Variants in CCDC27 observed in about 807,000 individuals in gnomAD.
CCDC27 encodes the protein coiled-coil domain containing 27, also known as coiled-coil domain-containing protein 27.
Under a neutral mutation model 80.3 loss-of-function variants are expected in CCDC27, and 80 were observed. The ratio of observed to expected loss-of-function variants is 1.00; its 90% CI spans 0.83 to 1.20. The LOEUF is 1.20. Ranked by LOEUF, CCDC27 falls within the 50% of genes most tolerant of loss-of-function variation. The pLI, the probability that CCDC27 is intolerant of heterozygous loss-of-function variation, is 0.00. For synonymous variants in CCDC27, 342 were observed against 334.3 expected, an observed-to-expected ratio of 1.02 and a Z score of -0.25; for missense variants, 815 against 809.4, an observed-to-expected ratio of 1.01 and a Z score of -0.08.
chr1:3,765,207 C>A (rs573553852), intron 8 of CCDC27, among the ~76,000 whole-genome samples: 1 of 152,116 alleles, frequency 6.6e-6, no homozygotes. Flanking sequence ...CCAGGTTGGC[C>A]GATGATAAGT....
chr1:3,770,350 A>G (rs915449809), intron 11 of CCDC27, among the ~76,000 whole-genome samples: 1 of 152,138 alleles, frequency 6.6e-6, no homozygotes, highest in Non-Finnish European at 1.5e-5. Context: ...AGGGGTCCCC[A>G]AGCAAGGGCC....
intron 9 of CCDC27, 36 bp from the exon 10 acceptor site, chr1:3,767,197 T>C (rs760484631): frequency 1.2e-6 from 2 of 1,602,124 alleles, no homozygotes; most frequent in Non-Finnish European, 8.5e-7. Flanking sequence ...TTGGGCGAAA[T>C]GACCCCACCT....
intron 3 of CCDC27, chr1:3,756,434 C>T (rs886462195): frequency 6.9e-5 from 19 of 277,082 alleles, no homozygotes; most frequent in Non-Finnish European, 1.3e-4. Flanking sequence ...ATGACCCCCT[C>T]GTCCCGACTC....
intron 8 of CCDC27, among the ~76,000 whole-genome samples, chr1:3,764,604 CATAA>C (rs1643182846): frequency 6.6e-6 from 1 of 152,288 alleles, no homozygotes; most frequent in Admixed American, 6.5e-5. Context: ...CACACACATA[CATAA>C]ATAAAATAAG....
Position 3,756,533 on chromosome 1 carries a change from C to T in CCDC27, c.554-200C>T, listed in dbSNP as rs576507219. 68 of 527,096 alleles carry T rather than the reference C, an allele frequency of 1.3e-4. 1 individual carries two copies. Among genetic ancestry groups the T allele is most frequent in the East Asian group, 8.1e-4 (23 of 28,512 alleles). The allele number at this position is 527,096 out of a possible 1,614,324, so 32.7% of individuals were successfully genotyped here. On this transcript the variant is annotated intron_variant, in intron 3 of 11. Transcript: ENST00000294600. ...CAGCACGCGCTGTGCTGGGTGTGGG[C>T]GCCCCATCGTGTTCACAGCAGCACC...
intron 2 of CCDC27, among the ~76,000 whole-genome samples, 158 bp downstream of exon 2, chr1:3,754,399 G>C (rs1469923830): frequency 6.6e-6 from 1 of 152,160 alleles, no homozygotes; most frequent in Non-Finnish European, 1.5e-5. Context: ...TGCTCAGGGA[G>C]CCAGGGCAGC....
chr1:3,763,262 G>A lies in CCDC27; in HGVS notation c.1109G>A (p.Ser370Asn). ...SQMGSVHEEG[S>N]EEEEEEEGDR... ...ATGGGATCCGTGCATGAGGAGGGAA[G>A]CGAGGAGGAGGAAGAGGAGGAAGGG... The change falls in exon 7 of 12, where the codon AGC becomes AAC. Residue 370 changes from serine (S) to asparagine (N), a missense_variant. Coordinates refer to ENST00000294600, the MANE Select transcript of CCDC27 (RefSeq NM_152492.3). This position sits in a 1 kb window ranked among gnomAD's most constrained non-coding sequence, Gnocchi z 7.5. 6.3e-7 allele frequency: 1 copy of A among 1,578,318 alleles called. No homozygotes were observed. Among genetic ancestry groups the A allele is most frequent in the East Asian group, 2.3e-5 (1 of 43,408 alleles).
chr1:3,763,586 T>G lies in CCDC27; in HGVS notation c.1321+112T>G, dbSNP rs370577539. On this transcript the variant is annotated intron_variant, in intron 7 of 11. Transcript: ENST00000294600. The surrounding 1 kb of genome is among the most constrained non-coding windows in gnomAD (Gnocchi z 7.5). ...GTCAGTGAGCTGGAGCAGGGGCAGG[T>G]GTCGGCAGCCTCACCCAGGCTGGCA... 49 of 1,556,072 alleles carry G rather than the reference T, an allele frequency of 3.1e-5. No homozygotes were observed. The highest frequency in any genetic ancestry group is 2.8e-4 in the South Asian group (23 of 82,296).
Position 3,769,830 on chromosome 1 carries a change from C to G in CCDC27, c.1791C>G (p.Ser597=), listed in dbSNP as rs771091105. 6.2e-7 allele frequency: 1 copy of G among 1,613,932 alleles called. No individual in the cohort carries two copies. The highest frequency in any genetic ancestry group is 1.1e-5 in the South Asian group (1 of 91,082). Residue 597 remains serine (S), a synonymous_variant, in exon 11 of 12, where the codon TCC becomes TCG. Transcript: ENST00000294600. This position sits in a 1 kb window ranked among gnomAD's most constrained non-coding sequence, Gnocchi z 4.6. ...TCATCCAGGCCACCTTTAGCATCTC[C>G]GGGACCAAGTCCTTGGCCAACGAGA... ...NKIIQATFSI[S]GTKSLANEIS...
intron 8 of CCDC27, among the ~76,000 whole-genome samples, chr1:3,764,948 T>C (rs1643192952): frequency 6.7e-6 from 1 of 149,846 alleles, no homozygotes; most frequent in South Asian, 2.1e-4. Flanking sequence ...GGCAGGAGAA[T>C]CGCTTGAACC....
chr1:3,759,792 C>A (rs530032520), intron 4 of CCDC27, among the ~76,000 whole-genome samples: 3 of 152,276 alleles, frequency 2.0e-5, no homozygotes, highest in Admixed American at 1.3e-4. Flanking sequence ...GTGTTCCTAC[C>A]CTTTAACCAA....
Position 3,766,664 on chromosome 1 carries a change from A to G in CCDC27, c.1530+52A>G. ...TCAGCCAGGCCACTGTTCTTACTGT[A>G]AGTCCCAACACAGCAAAGGGCAAGA... On this transcript the variant is annotated intron_variant, in intron 9 of 11. Transcript: ENST00000294600. This position sits in a 1 kb window ranked among gnomAD's most constrained non-coding sequence, Gnocchi z 6.1. The G allele has an allele frequency of 6.8e-7, 1 of 1,479,980 alleles. No homozygotes were observed. Among genetic ancestry groups the G allele is most frequent in the Non-Finnish European group, 9.4e-7 (1 of 1,062,406 alleles). 91.7% of individuals were successfully genotyped at this position (1,479,980 alleles called of 1,614,324 possible).
Position 3,769,878 on chromosome 1 carries a change from A to G in CCDC27, c.1839A>G (p.Glu613=). 1 of 1,613,350 alleles carries G rather than the reference A, an allele frequency of 6.2e-7. No homozygotes were observed. Among genetic ancestry groups the G allele is most frequent in the Non-Finnish European group, 8.5e-7 (1 of 1,179,404 alleles). The change falls in exon 11 of 12, where the codon GAA becomes GAG. Residue 613 remains glutamate, a synonymous_variant. Coordinates refer to ENST00000294600, the MANE Select transcript of CCDC27 (RefSeq NM_152492.3). This position sits in a 1 kb window ranked among gnomAD's most constrained non-coding sequence, Gnocchi z 4.6. ...AGATCTCTGACAATGACATCCTGGA[A>G]GCCCTGCAGGTATACCCCTAAGCTC... ...ANEISDNDIL[E]ALQRIISERS... is the part of the protein sequence containing the mutation.
In CCDC27 at chr1:3,755,449, C is replaced by G. The variant is rs372445469; in HGVS notation, c.443-8C>G. The stretch of plus-strand genomic sequence containing the variant: ...CAGTCACCAGATGGCATCTTTAACA[C>G]TCTACAGGTTCACCCACTGAGGCCG... On this transcript the variant is annotated splice_polypyrimidine_tract_variant and splice_region_variant and intron_variant, in intron 2 of 11. Coordinates refer to ENST00000294600, the MANE Select transcript of CCDC27 (RefSeq NM_152492.3). The G allele has an allele frequency of 1.7e-4, 281 of 1,612,334 alleles. No homozygotes were observed. The highest frequency in any genetic ancestry group is 3.5e-4 in the Admixed American group (21 of 60,028).
At chr1:3,770,416 G>A (rs1570724462) in intron 11 of CCDC27, among the ~76,000 whole-genome samples, 2 of 152,198 alleles carry the variant, frequency 1.3e-5, no homozygotes, top group Admixed American at 6.5e-5. Flanking sequence ...TGGGCATGAG[G>A]GGGTCACCAC....
intron 4 of CCDC27, among the ~76,000 whole-genome samples, chr1:3,757,506 T>C (rs1642986161): frequency 6.6e-6 from 1 of 151,938 alleles, no homozygotes; most frequent in South Asian, 2.1e-4. Context: ...GGTGGTGTGA[T>C]CCCAGCTCAC....
In CCDC27 at chr1:3,769,372, A is replaced by T. The variant is rs1286861505; in HGVS notation, c.1744-411A>T. The stretch of plus-strand genomic sequence containing the variant: ...AGCGCACTGTTAAATGCCTAAAGTG[A>T]GAGTGTCCCCAAGGGCCAGGAAGTC... On this transcript the variant is annotated intron_variant, in intron 10 of 11. Transcript: ENST00000294600. The surrounding 1 kb of genome is among the most constrained non-coding windows in gnomAD (Gnocchi z 4.6). Among the ~76,000 whole-genome samples the T allele has an allele frequency of 6.6e-6, 1 of 152,154 alleles. No homozygotes were observed. The highest frequency in any genetic ancestry group is 1.5e-5 in the Non-Finnish European group (1 of 68,020).
intron 4 of CCDC27, among the ~76,000 whole-genome samples, chr1:3,758,301 G>A (rs1353683589): frequency 6.6e-6 from 1 of 151,390 alleles, no homozygotes; most frequent in Non-Finnish European, 1.5e-5. Flanking sequence ...CAATTCTCCT[G>A]CCTCAGCCTC....
Position 3,761,306 on chromosome 1 carries a change from T to G in CCDC27, c.737T>G (p.Ile246Arg). ...GATCACTGCCTGTCTGAGCTGGAGA[T>G]ACAGGTTCAGAAGAAAGACGAGGAG... ...EKDHCLSELE[I>R]QVQKKDEEIL... Residue 246 changes from isoleucine (I) to arginine (R), a missense_variant, in exon 5 of 12, where the codon ATA becomes AGA. By Grantham distance (97) the Ile-to-Arg change is moderately conservative. Transcript: ENST00000294600. This position sits in a 1 kb window ranked among gnomAD's most constrained non-coding sequence, Gnocchi z 5.0. 6.2e-7 allele frequency: 1 copy of G among 1,613,998 alleles called. No individual in the cohort carries two copies. Among genetic ancestry groups the G allele is most frequent in the African/African-American group, 1.3e-5 (1 of 75,012 alleles).
Sources: allele counts gnomAD v4.1 joint callset (sites outside exome capture counted in the v4.1 genomes callset), GRCh38; gene constraint gnomAD v4.1.1; non-coding constraint Gnocchi (gnomAD v3.1); transcripts MANE v1.5; gene names NCBI Gene and HGNC (gene_info 2026-07-23, HGNC 2026-07-21).